The following GRB2 variants were observed in gnomAD, a reference collection of about 807,000 sequenced individuals.
The protein encoded by GRB2 is growth factor receptor-bound protein 2.
GRB2 carries 2 observed loss-of-function variants against 27.4 expected under a neutral mutation model. That is an observed-to-expected ratio of 0.07 (90% CI 0.03 to 0.23). The LOEUF (loss-of-function observed/expected upper bound fraction) is 0.23. GRB2 is among the 10% of genes least tolerant of loss of function. GRB2 has a pLI of 1.00. For synonymous variants in GRB2, 94 were observed against 99.6 expected (o/e 0.94, Z 0.33); for missense variants, 102 against 282.4 (o/e 0.36, Z 4.58).
At chr17:75,354,379 C>T (rs532026120) in intron 2 of GRB2, among the ~76,000 whole-genome samples, 1 of 152,174 alleles carries the variant, frequency 6.6e-6, no homozygotes, top group East Asian at 1.9e-4. Flanking sequence ...TCTCCTGCCT[C>T]AGCCTCCTGA....
chr17:75,344,690 G>A lies in GRB2; in HGVS notation c.79-11893C>T, dbSNP rs946526213. ...TTACAGGTGTTGAGCCACCGCGCTCGGCCTCAACTGTAGCTAATTCTTTAC... is the reference window on the plus strand; with the variant it reads ...TTACAGGTGTTGAGCCACCGCGCTCAGCCTCAACTGTAGCTAATTCTTTAC... On this transcript the variant is annotated intron_variant, in intron 2 of 5. Coordinates refer to ENST00000316804, the MANE Select transcript of GRB2 (RefSeq NM_002086.5). 6.6e-5 allele frequency among the ~76,000 whole-genome samples: 10 copies of A among 151,844 alleles called. No individual in the cohort carries two copies. The East Asian group carries it at 9.7e-4, about 15-fold the overall frequency.
chr17:75,329,760 T>G (rs192692335), intron 3 of GRB2, among the ~76,000 whole-genome samples: 1 of 152,058 alleles, frequency 6.6e-6, no homozygotes, highest in East Asian at 1.9e-4. Flanking sequence ...GGCATAGTGG[T>G]GCACAGCTGT....
intron 2 of GRB2, among the ~76,000 whole-genome samples, chr17:75,351,210 A>C (rs2078690195): frequency 6.6e-6 from 1 of 152,116 alleles, no homozygotes; most frequent in African/African-American, 2.4e-5. Flanking sequence ...ACCCACATGC[A>C]TTATTTTTAA....
At chr17:75,396,458 A>C (rs1291345230) in intron 1 of GRB2, among the ~76,000 whole-genome samples, 1 of 152,238 alleles carries the variant, frequency 6.6e-6, no homozygotes, top group South Asian at 2.1e-4. Context: ...AGACCAGTCC[A>C]GTATAGCTTA....
chr17:75,332,252 G>A (rs1477492561), intron 3 of GRB2, among the ~76,000 whole-genome samples: 1 of 152,194 alleles, frequency 6.6e-6, no homozygotes, highest in Non-Finnish European at 1.5e-5. Flanking sequence ...GGAACACTAA[G>A]ATGGAGGGAT....
chr17:75,384,435 A>G (rs2078949012), intron 2 of GRB2, among the ~76,000 whole-genome samples: 1 of 151,792 alleles, frequency 6.6e-6, no homozygotes, highest in Non-Finnish European at 1.5e-5. Context: ...TTGGGAGGCC[A>G]AGGCGGGTGG....
intron 4 of GRB2, among the ~76,000 whole-genome samples, chr17:75,325,492 C>T (rs1016452808): frequency 6.6e-6 from 1 of 152,180 alleles, no homozygotes; most frequent in Non-Finnish European, 1.5e-5. Flanking sequence ...TCTTAAGTGA[C>T]TGTGAGGGCC....
intron 2 of GRB2, among the ~76,000 whole-genome samples, chr17:75,386,263 C>T (rs1027863193): frequency 6.6e-6 from 1 of 152,048 alleles, no homozygotes; most frequent in Admixed American, 6.6e-5. Context: ...GGACTAGAGG[C>T]ACACACCACC....
intron 2 of GRB2, among the ~76,000 whole-genome samples, chr17:75,367,247 T>C (rs2078825920): frequency 6.6e-6 from 1 of 152,180 alleles, no homozygotes; most frequent in Non-Finnish European, 1.5e-5. Flanking sequence ...TATGGCTCAC[T>C]GCAGCCGCGA....
chr17:75,390,673 A>G (rs1268139846), intron 2 of GRB2, among the ~76,000 whole-genome samples: 1 of 152,212 alleles, frequency 6.6e-6, no homozygotes, highest in Non-Finnish European at 1.5e-5. Flanking sequence ...TAACAGGTCA[A>G]TGTGTAGACA....
intron 2 of GRB2, among the ~76,000 whole-genome samples, chr17:75,336,642 T>C (rs1288583335): frequency 1.3e-5 from 2 of 152,312 alleles, no homozygotes; most frequent in Admixed American, 6.5e-5. Flanking sequence ...CTTAGAACTA[T>C]GGCTGTCTAC....
intron 1 of GRB2, among the ~76,000 whole-genome samples, chr17:75,402,678 G>A (rs2079071117): frequency 6.6e-6 from 1 of 152,078 alleles, no homozygotes; most frequent in Non-Finnish European, 1.5e-5. Context: ...TGATTTTTAT[G>A]GATACTAAAT....
intron 2 of GRB2, among the ~76,000 whole-genome samples, chr17:75,360,065 TG>T (rs1207220112): frequency 5.9e-5 from 9 of 151,558 alleles, no homozygotes; most frequent in African/African-American, 1.9e-4. Context: ...GAGGATTGCT[TG>T]AGGCCAGGGG....
chr17:75,343,495 AT>A (rs1340228819), intron 2 of GRB2, among the ~76,000 whole-genome samples: 1 of 152,214 alleles, frequency 6.6e-6, no homozygotes, highest in South Asian at 2.1e-4. Context: ...ATTACAGGAT[AT>A]TTCTTTCTCT....
intron 1 of GRB2, among the ~76,000 whole-genome samples, chr17:75,404,353 T>C (rs1321061610): frequency 3.3e-5 from 5 of 152,034 alleles, no homozygotes; most frequent in Admixed American, 6.6e-5. Context: ...GCAACCCTTC[T>C]GGCTGACTGC....
intron 2 of GRB2, among the ~76,000 whole-genome samples, chr17:75,358,916 A>AAAAT (rs1555611095): frequency 8.9e-5 from 7 of 78,548 alleles, no homozygotes; most frequent in Admixed American, 1.8e-4. Flanking sequence ...TATATATATA[A>AAAAT]ATATATATAT....
rs1320097894 is a variant in GRB2, at chr17:75,319,130, A to T, written c.*1238T>A. The T allele has an allele frequency of 6.6e-6, 1 of 152,492 alleles. No homozygotes were observed. The highest frequency in any genetic ancestry group is 1.5e-5 in the Non-Finnish European group (1 of 68,014). 9.4% of individuals were successfully genotyped at this position (152,492 alleles called of 1,614,324 possible). Reference sequence around the variant, plus strand: ...AACCCCCAAGGGGCTCACAACCCTTAAAGCTGGAGCTTAAAGCCTCCTGGC... The same window carrying T: ...AACCCCCAAGGGGCTCACAACCCTTTAAGCTGGAGCTTAAAGCCTCCTGGC... On this transcript the variant is annotated 3_prime_UTR_variant, in exon 6 of 6. Transcript: ENST00000316804.
chr17:75,391,261 T>G (rs2078996539), intron 2 of GRB2, among the ~76,000 whole-genome samples: 1 of 152,050 alleles, frequency 6.6e-6, no homozygotes, highest in Admixed American at 6.6e-5. Context: ...AAGAACCACA[T>G]ATATGTATTT....
rs2078439375 is a variant in GRB2 at position 75,319,276 on chromosome 17, G to C, written c.*1092C>G. 4.0e-5 allele frequency: 6 copies of C among 149,402 alleles called. No individual in the cohort carries two copies. Among genetic ancestry groups the C allele is most frequent in the African/African-American group, 1.5e-4 (6 of 40,398 alleles). The allele number at this position is 149,402 out of a possible 1,614,324, so 9.3% of individuals were successfully genotyped here. ...GAGTAGGAGACAAATTGGCTGAAAAGCTCTGGACTGCCTTTAACTTATTTT... is the reference window on the plus strand; with the variant it reads ...GAGTAGGAGACAAATTGGCTGAAAACCTCTGGACTGCCTTTAACTTATTTT... On this transcript the variant is annotated 3_prime_UTR_variant, in exon 6 of 6. Coordinates refer to ENST00000316804, the MANE Select transcript of GRB2 (RefSeq NM_002086.5).
Sources: gnomAD v4.1 joint callset for allele counts (sites outside exome capture counted in the v4.1 genomes callset) on GRCh38, gnomAD v4.1.1 for gene constraint, MANE v1.5 for transcripts, NCBI Gene and HGNC (gene_info 2026-07-23, HGNC 2026-07-21) for gene names.